Variants in MPP4 observed in about 807,000 individuals in gnomAD.
The protein encoded by MPP4 is MAGUK p55 subfamily member 4.
A neutral mutation model predicts 98.3 loss-of-function variants in MPP4; 91 were observed. The ratio of observed to expected loss-of-function variants is 0.93; its 90% CI spans 0.78 to 1.10. The LOEUF (loss-of-function observed/expected upper bound fraction) is 1.10. Among genes scored for constraint, MPP4 ranks in the 50% least tolerant of loss-of-function variants. MPP4 has a pLI of 0.00. For synonymous variants in MPP4, 261 were observed against 271.8 expected (o/e 0.96, Z 0.39); for missense variants, 744 against 792.9 (o/e 0.94, Z 0.74).
intron 11 of MPP4, among the ~76,000 whole-genome samples, chr2:201,670,788 G>T (rs1466718670): frequency 6.6e-6 from 1 of 152,242 alleles, no homozygotes; most frequent in Non-Finnish European, 1.5e-5. Context: ...AATAGGAATA[G>T]CTCTGGTCTG....
chr2:201,694,675 GCATGATCATGGCT>G (rs1689132270), intron 1 of MPP4, among the ~76,000 whole-genome samples: 2 of 134,322 alleles, frequency 1.5e-5, no homozygotes, highest in African/African-American at 2.9e-5. Context: ...AAGTGTGGTG[GCATGATCATGGCT>G]CATGATCATG....
chr2:201,671,499 G>C (rs1303076571), intron 11 of MPP4, among the ~76,000 whole-genome samples: 3 of 152,104 alleles, frequency 2.0e-5, no homozygotes, highest in African/African-American at 7.2e-5. Context: ...CTGTATTCAG[G>C]AGACCCATCT....
intron 11 of MPP4, among the ~76,000 whole-genome samples, chr2:201,671,081 T>G (rs772353097): frequency 1.3e-5 from 2 of 152,218 alleles, no homozygotes; most frequent in African/African-American, 2.4e-5. Context: ...GGAGATTCCC[T>G]TGGGTGCCTA....
intron 3 of MPP4, among the ~76,000 whole-genome samples, chr2:201,692,581 C>T (rs1689066015): frequency 6.6e-6 from 1 of 151,122 alleles, no homozygotes; most frequent in Non-Finnish European, 1.5e-5. Context: ...TCTTTGGGAG[C>T]CGATAGGTCA....
intron 11 of MPP4, among the ~76,000 whole-genome samples, chr2:201,674,517 A>C (rs547430363): frequency 1.5e-4 from 23 of 152,276 alleles, no homozygotes; most frequent in African/African-American, 3.4e-4. Context: ...ACACATACTG[A>C]AATTGCCTTT....
chr2:201,698,393 A>T (rs972373250), intron 1 of MPP4, among the ~76,000 whole-genome samples, 194 bp downstream of exon 1: 3 of 152,210 alleles, frequency 2.0e-5, no homozygotes, highest in Non-Finnish European at 2.9e-5. Context: ...CATACTGAAG[A>T]AATGGCTTCT....
intron 8 of MPP4, 137 bp downstream of exon 8, chr2:201,682,693 TG>T: frequency 1.5e-6 from 1 of 664,522 alleles, no homozygotes; most frequent in Non-Finnish European, 2.6e-6. Flanking sequence ...AGACAAGGTC[TG>T]GGAGCCTGGA....
In MPP4 at chr2:201,658,496, G is replaced by A. The variant is rs371171446; in HGVS notation, c.1110C>T (p.Tyr370=). The change falls in exon 16 of 22, where the codon TAC becomes TAT. Residue 370 remains tyrosine, a synonymous_variant. Transcript: ENST00000409474. ...ACCTACCTATAAAGAACTTCTGACC[G>A]TAGCCAACAAACTCCTCCTTGTCTG... ...LSEDKEEFVG[Y]GQKFFIAGFR... 82 of 1,612,732 alleles carry A rather than the reference G, an allele frequency of 5.1e-5. No homozygotes were observed. Among genetic ancestry groups the A allele is most frequent in the South Asian group, 8.8e-5 (8 of 90,778 alleles).
intron 2 of MPP4, 28 bp from the exon 3 acceptor site, chr2:201,693,057 G>C: frequency 6.2e-7 from 1 of 1,602,172 alleles, no homozygotes; most frequent in Non-Finnish European, 8.5e-7. Flanking sequence ...CAGAGATGGG[G>C]TGGCAGGTGC....
At chr2:201,668,623 C>T (rs1270488974) in intron 12 of MPP4, among the ~76,000 whole-genome samples, 2 of 152,154 alleles carry the variant, frequency 1.3e-5, no homozygotes, top group Non-Finnish European at 2.9e-5. Context: ...CTGCTGGAAC[C>T]TTAATCTTAG....
intron 11 of MPP4, 111 bp downstream of exon 11, chr2:201,675,096 C>A (rs1273593231): frequency 1.2e-5 from 14 of 1,155,564 alleles, no homozygotes; most frequent in Non-Finnish European, 1.6e-5. Context: ...ATAACAACTC[C>A]ATCTCCCATG....
At chr2:201,672,840 AG>A (rs1688383333) in intron 11 of MPP4, among the ~76,000 whole-genome samples, 1 of 152,198 alleles carries the variant, frequency 6.6e-6, no homozygotes, top group Non-Finnish European at 1.5e-5. Flanking sequence ...CAATGGAAAA[AG>A]AGGGACTCCT....
intron 21 of MPP4, 146 bp from the exon 22 acceptor site, chr2:201,645,550 A>T: frequency 1.7e-6 from 1 of 574,574 alleles, no homozygotes; most frequent in East Asian, 3.2e-5. Flanking sequence ...ATTTTCAATA[A>T]AGTTTCAAAA....
intron 1 of MPP4, among the ~76,000 whole-genome samples, chr2:201,695,614 A>G (rs720219): frequency 0.65 from 98,868 of 151,822 alleles, 32,814 homozygotes; most frequent in Non-Finnish European, 0.72. Context: ...ACAGGGGCCA[A>G]GGGAGTGAGA....
chr2:201,698,271 T>C (rs1053154966), intron 1 of MPP4, among the ~76,000 whole-genome samples: 8 of 152,352 alleles, frequency 5.3e-5, no homozygotes, highest in Non-Finnish European at 8.8e-5. Flanking sequence ...GGAAACTTAA[T>C]GATGAGAAAT....
chr2:201,675,284 A>T lies in MPP4; in HGVS notation c.930-13T>A, dbSNP rs200272445. 1,556 of 1,603,822 alleles carry T rather than the reference A, an allele frequency of 9.7e-4. No individual in the cohort carries two copies. The highest frequency in any genetic ancestry group is 1.2e-3 in the Non-Finnish European group (1,431 of 1,175,424). Reference sequence around the variant, plus strand: ...TTCCCGTTGCTTCCTATGGGGGGGAAAAAACCATGCGACAAAAAACAAACA... The same window carrying T: ...TTCCCGTTGCTTCCTATGGGGGGGATAAAACCATGCGACAAAAAACAAACA... On this transcript the variant is annotated splice_polypyrimidine_tract_variant and intron_variant, in intron 10 of 21. Transcript: ENST00000409474.
intron 1 of MPP4, chr2:201,697,799 TTACAGATAAGGAATCTG>T (rs1433402156): frequency 2.2e-6 from 1 of 461,860 alleles, no homozygotes; most frequent in African/African-American, 2.1e-5. Context: ...AACCTTTGTT[TTACAGATAAGGAATCTG>T]ACATTCAAGG....
intron 5 of MPP4, among the ~76,000 whole-genome samples, chr2:201,686,813 G>A (rs1688851036): frequency 6.6e-6 from 1 of 152,172 alleles, no homozygotes; most frequent in Non-Finnish European, 1.5e-5. Flanking sequence ...TGATAAATTG[G>A]TCTCAAATCT....
chr2:201,687,388 G>A lies in MPP4; in HGVS notation c.280-17C>T. ...CTCCACTACCTGGTTCATGGAAAAGGATACATTATAAAAATTTTAAAAAAT... is the reference window on the plus strand; with the variant it reads ...CTCCACTACCTGGTTCATGGAAAAGAATACATTATAAAAATTTTAAAAAAT... On this transcript the variant is annotated splice_polypyrimidine_tract_variant and intron_variant, in intron 4 of 21. Transcript: ENST00000409474. The A allele has an allele frequency of 6.4e-7, 1 of 1,552,790 alleles. No individual in the cohort carries two copies. Among genetic ancestry groups the A allele is most frequent in the Non-Finnish European group, 8.7e-7 (1 of 1,146,122 alleles).
Sources: allele counts gnomAD v4.1 joint callset (sites outside exome capture counted in the v4.1 genomes callset), GRCh38; gene constraint gnomAD v4.1.1; transcripts MANE v1.5; gene names NCBI Gene and HGNC (gene_info 2026-07-23, HGNC 2026-07-21).